Variants in CCNG1 observed in about 807,000 individuals in gnomAD.
CCNG1 encodes the protein cyclin-G1.
Under a neutral mutation model 30.0 loss-of-function variants are expected in CCNG1, and 13 were observed. That is an observed-to-expected ratio of 0.43 (90% CI 0.28 to 0.69). The LOEUF is 0.69. Among genes scored for constraint, CCNG1 ranks in the 30% least tolerant of loss-of-function variants. CCNG1 has a pLI of 0.16. For missense variants in CCNG1, 285 were observed against 331.4 expected, an observed-to-expected ratio of 0.86 and a Z score of 1.09; for synonymous variants, 110 against 121.5, an observed-to-expected ratio of 0.91 and a Z score of 0.62.
At chr5:163,454,419 A>G in the CCNG1 span, among the ~76,000 whole-genome samples, 1 of 152,104 alleles carries the variant, frequency 6.6e-6, no homozygotes, top group South Asian at 2.1e-4. Flanking sequence ...TCAGCTCACC[A>G]TAATCTCTGC....
rs192788678 is a variant in CCNG1 at position 163,438,653 on chromosome 5, C to G, written c.1-604C>G. On this transcript the variant is annotated intron_variant, in intron 1 of 6. Transcript: ENST00000340828. ...TTTTCACTTTCGGTATCCTGTCTTACGGTGTTTATTCGTGGTTATCTATTG... is the reference window on the plus strand; with the variant it reads ...TTTTCACTTTCGGTATCCTGTCTTAGGGTGTTTATTCGTGGTTATCTATTG... 5.4e-4 allele frequency among the ~76,000 whole-genome samples: 82 copies of G among 152,330 alleles called. 2 individuals are homozygous for G. The East Asian group carries it at 0.013, about 24-fold the overall frequency.
downstream of CCNG1, among the ~76,000 whole-genome samples, chr5:163,445,589 G>A (rs1363488741): frequency 2.0e-5 from 3 of 150,764 alleles, no homozygotes; most frequent in Admixed American, 6.6e-5. Context: ...AAATAGCTAG[G>A]ATTATAGGCA....
chr5:163,441,470 C>A, intron 3 of CCNG1, 139 bp downstream of exon 3: 1 of 747,544 alleles, frequency 1.3e-6, no homozygotes, highest in Non-Finnish European at 2.1e-6. Flanking sequence ...ACTTTAATGT[C>A]CATCATAAGT....
intron 2 of CCNG1, 63 bp downstream of exon 2, chr5:163,439,583 T>G: frequency 6.9e-7 from 1 of 1,456,208 alleles, no homozygotes; most frequent in Non-Finnish European, 9.3e-7. Flanking sequence ...AATTGTTACC[T>G]TTTGGCTGGT....
chr5:163,453,876 G>T, the CCNG1 span: 1 of 575,298 alleles, frequency 1.7e-6, no homozygotes, highest in South Asian at 3.5e-5. Context: ...TTAACTGTAG[G>T]CATCCGCATT....
At position 163,443,814 on chromosome 5, in the gene CCNG1, C is replaced by T. The variant is rs1032061398; in HGVS notation, c.*144C>T. On this transcript the variant is annotated 3_prime_UTR_variant, in exon 7 of 7. Transcript: ENST00000340828. ...CATGATGGTCTCAGACTTGGGAAAA[C>T]TGCCTAATATTATGCTGTAGTGGAA... The T allele has an allele frequency of 1.2e-6, 1 of 845,360 alleles. No individual in the cohort carries two copies. The highest frequency in any genetic ancestry group is 1.7e-5 in the African/African-American group (1 of 58,494). The allele number at this position is 845,360 out of a possible 1,614,324, so 52.4% of individuals were successfully genotyped here. A position where few individuals can be genotyped will look rare whatever the true frequency, so the allele number is the denominator to read the frequency against.
At chr5:163,442,936 A>C (rs1456364748) in intron 6 of CCNG1, among the ~76,000 whole-genome samples, 4 of 152,236 alleles carry the variant, frequency 2.6e-5, no homozygotes, top group African/African-American at 9.6e-5. Context: ...CAGCACCAAA[A>C]GTCTGAACCA....
the CCNG1 span, among the ~76,000 whole-genome samples, chr5:163,455,443 G>T: frequency 6.6e-6 from 1 of 152,196 alleles, no homozygotes; most frequent in Non-Finnish European, 1.5e-5. Context: ...CTGAGAAGTG[G>T]CATGATGTGA....
intron 2 of CCNG1, among the ~76,000 whole-genome samples, chr5:163,440,823 CACTT>C (rs1757777753): frequency 6.6e-6 from 1 of 152,134 alleles, no homozygotes; most frequent in Non-Finnish European, 1.5e-5. Context: ...AATAAAAACA[CACTT>C]TTTCTATGCT....
chr5:163,446,362 T>C (rs1273984594), downstream of CCNG1, among the ~76,000 whole-genome samples: 1 of 152,176 alleles, frequency 6.6e-6, no homozygotes, highest in Non-Finnish European at 1.5e-5. Flanking sequence ...TTATCCCAAT[T>C]TGCAAATGAA....
chr5:163,450,302 G>A (rs1758146556), downstream of CCNG1: 2 of 152,116 alleles, frequency 1.3e-5, no homozygotes, highest in South Asian at 4.1e-4. Context: ...CTGGGGTTAA[G>A]GTTCCTAGAC....
In CCNG1 at chr5:163,443,904, T is replaced by C; in HGVS notation, c.*234T>C. 1 of 521,450 alleles carries C rather than the reference T, an allele frequency of 1.9e-6. No individual in the cohort carries two copies. Among genetic ancestry groups the C allele is most frequent in the Non-Finnish European group, 3.4e-6 (1 of 296,506 alleles). The allele number at this position is 521,450 out of a possible 1,614,324, so 32.3% of individuals were successfully genotyped here. A position where few individuals can be genotyped will look rare whatever the true frequency, so the allele number is the denominator to read the frequency against. ...CAAAGCTAAAAGCCTAAATGTGAAATGCTAATGACAAGCCTGAGAAGGTAA... is the reference window on the plus strand; with the variant it reads ...CAAAGCTAAAAGCCTAAATGTGAAACGCTAATGACAAGCCTGAGAAGGTAA... On this transcript the variant is annotated 3_prime_UTR_variant, in exon 7 of 7. Transcript: ENST00000340828.
At chr5:163,440,359 G>A (rs950113614) in intron 2 of CCNG1, among the ~76,000 whole-genome samples, 6 of 152,138 alleles carry the variant, frequency 3.9e-5, no homozygotes, top group Non-Finnish European at 8.8e-5. Flanking sequence ...TCTTATGTGA[G>A]AATAAGATCG....
the CCNG1 span, among the ~76,000 whole-genome samples, chr5:163,456,411 G>A: frequency 6.6e-6 from 1 of 152,140 alleles, no homozygotes; most frequent in Non-Finnish European, 1.5e-5. Context: ...ATCCTCTGAA[G>A]CAGTTAAAAA....
chr5:163,445,191 CTT>C (rs1438401710), downstream of CCNG1, among the ~76,000 whole-genome samples: 1 of 151,552 alleles, frequency 6.6e-6, no homozygotes, highest in African/African-American at 2.4e-5. Flanking sequence ...TTAGATGACA[CTT>C]TACTTTGTTT....
At chr5:163,455,033 T>C in the CCNG1 span, among the ~76,000 whole-genome samples, 4 of 151,452 alleles carry the variant, frequency 2.6e-5, no homozygotes, top group Admixed American at 2.6e-4. Context: ...TACAAACAAA[T>C]GAGCATATAC....
At chr5:163,456,687 A>G in the CCNG1 span, among the ~76,000 whole-genome samples, 5 of 152,188 alleles carry the variant, frequency 3.3e-5, no homozygotes, top group Admixed American at 6.6e-5. Context: ...TGCATTACTG[A>G]TGTACATAAA....
intron 2 of CCNG1, among the ~76,000 whole-genome samples, chr5:163,440,316 A>G (rs773804676): frequency 3.3e-5 from 5 of 152,226 alleles, no homozygotes; most frequent in Non-Finnish European, 5.9e-5. Context: ...GCACAAATGA[A>G]TAATATACAG....
the CCNG1 span, chr5:163,457,152 T>G: frequency 2.1e-6 from 3 of 1,457,192 alleles, no homozygotes; most frequent in East Asian, 7.2e-5. Context: ...TTTTTTTTTT[T>G]TGAGACAGTA....
Sources: allele counts gnomAD v4.1 joint callset (sites outside exome capture counted in the v4.1 genomes callset), GRCh38; gene constraint gnomAD v4.1.1; transcripts MANE v1.5; gene names NCBI Gene and HGNC (gene_info 2026-07-23, HGNC 2026-07-21).